Variants in EXOC2 observed in about 807,000 individuals in gnomAD.
EXOC2 encodes the protein exocyst complex component 2.
EXOC2 carries 70 observed loss-of-function variants against 131.8 expected under a neutral mutation model. The ratio of observed to expected loss-of-function variants is 0.53; its 90% CI spans 0.44 to 0.65. The LOEUF is 0.65. Among genes scored for constraint, EXOC2 ranks in the 30% least tolerant of loss-of-function variants. The pLI is 0.00. For missense variants in EXOC2, 923 were observed against 1,108.6 expected (o/e 0.83, Z 2.38); for synonymous variants, 411 against 398.4 (o/e 1.03, Z -0.38).
rs114930078 is a variant in EXOC2 at position 641,793 on chromosome 6, G to A, written c.-43-3932C>T. On this transcript the variant is annotated intron_variant, in intron 1 of 27. Transcript: ENST00000230449. ...TGTTGCTCTCCCACTTAAGACCTTC[G>A]TCTTCTCCCCTCAATGCTGCAACAG... Among the ~76,000 whole-genome samples the A allele has an allele frequency of 2.4e-4, 37 of 151,978 alleles. No homozygotes were observed. The Middle Eastern group carries it at 0.01, about 42-fold the overall frequency.
intron 1 of EXOC2, among the ~76,000 whole-genome samples, chr6:678,343 T>G (rs1005771338): frequency 1.3e-5 from 2 of 152,240 alleles, no homozygotes; most frequent in African/African-American, 4.8e-5. Flanking sequence ...GTCACAGGAA[T>G]CCTGTAAGGA....
At chr6:629,760 G>C in intron 4 of EXOC2, 75 bp downstream of exon 4, 2 of 1,548,240 alleles carry the variant, frequency 1.3e-6, no homozygotes, top group South Asian at 2.5e-5. Flanking sequence ...TGGAGTTTGA[G>C]TCCCTTTCCT....
In EXOC2 at chr6:603,474, A is replaced by C. The variant is rs552696398; in HGVS notation, c.743-4249T>G. 1.5e-3 allele frequency among the ~76,000 whole-genome samples: 227 copies of C among 152,306 alleles called. 1 individual carries two copies. Among genetic ancestry groups the C allele is most frequent in the African/African-American group, 5.3e-3 (220 of 41,568 alleles). ...AACTGAGGAAAGAGCTGACGTCAGC[A>C]CGTACCCCTCTCAAGAGCAACTGTC... On this transcript the variant is annotated intron_variant, in intron 7 of 27. Transcript: ENST00000230449.
chr6:635,133 A>G (rs1316089183), intron 2 of EXOC2, among the ~76,000 whole-genome samples: 1 of 152,232 alleles, frequency 6.6e-6, no homozygotes, highest in Non-Finnish European at 1.5e-5. Flanking sequence ...CAACCCAACA[A>G]TTAACGTCAG....
At chr6:684,393 C>A (rs1167367489) in intron 1 of EXOC2, among the ~76,000 whole-genome samples, 2 of 152,138 alleles carry the variant, frequency 1.3e-5, no homozygotes, top group African/African-American at 4.8e-5. Flanking sequence ...AACAAAGCAT[C>A]CATTTAACAT....
In EXOC2 at chr6:564,140, G is replaced by A. The variant is rs1042405017; in HGVS notation, c.1682C>T (p.Ser561Leu). 6 of 1,613,756 alleles carry A rather than the reference G, an allele frequency of 3.7e-6. No homozygotes were observed. In the African/African-American group the frequency reaches 6.7e-5, roughly 18 times the overall value. ...ATTAGGAATTTCAAGGGCAGTCAAC[G>A]ATTCATGAGTAAGTCTGCGAACAAA... ...AIQTVRLTHE[S>L]LTALEIPNDL... The change falls in exon 16 of 28, where the codon TCG becomes TTG. Residue 561 changes from serine (S) to leucine (L), a missense_variant. Ser to Leu is a moderately radical substitution (Grantham distance 145). Transcript: ENST00000230449.
chr6:597,889 TCTG>T lies in EXOC2; in HGVS notation c.1073+129_1073+131del, dbSNP rs562299944. The stretch of plus-strand genomic sequence containing the variant: ...GTCCTACGCCAGATAACCCTAAATT[TCTG>T]CTATTTGTCTTCCCCTTCACCATTT... On this transcript the variant is annotated intron_variant, in intron 10 of 27. Transcript: ENST00000230449. The T allele has an allele frequency of 1.3e-3, 809 of 617,444 alleles. 5 individuals are homozygous for T. The Middle Eastern group carries it at 0.031, about 24-fold the overall frequency. 38.2% of individuals were successfully genotyped at this position (617,444 alleles called of 1,614,324 possible).
intron 4 of EXOC2, among the ~76,000 whole-genome samples, chr6:627,204 A>C (rs1366433667): frequency 2.0e-5 from 3 of 150,912 alleles, no homozygotes; most frequent in Non-Finnish European, 4.4e-5. Flanking sequence ...CAGAGGTCAA[A>C]GAATTCAGTA....
At chr6:599,405 A>C (rs551477438) in intron 7 of EXOC2, among the ~76,000 whole-genome samples, 180 bp from the exon 8 acceptor site, 3 of 152,192 alleles carry the variant, frequency 2.0e-5, no homozygotes, top group African/African-American at 4.8e-5. Flanking sequence ...ATTTTGCCTA[A>C]GTCTTTTCAT....
At chr6:640,106 G>C (rs1762287304) in intron 1 of EXOC2, among the ~76,000 whole-genome samples, 1 of 152,176 alleles carries the variant, frequency 6.6e-6, no homozygotes, top group African/African-American at 2.4e-5. Context: ...TGTAGTGTTT[G>C]ATTTTCAGTC....
In EXOC2 at chr6:683,530, G is replaced by C. The variant is rs1483342283; in HGVS notation, c.-44+9489C>G. On this transcript the variant is annotated intron_variant, in intron 1 of 27. Coordinates refer to ENST00000230449, the MANE Select transcript of EXOC2 (RefSeq NM_018303.6). ...ACAAATATAATAACTATGGTAAACA[G>C]GCATGCCAAAATCAATGCAGAGTTT... Among the ~76,000 whole-genome samples the C allele has an allele frequency of 2.6e-5, 4 of 151,900 alleles. No individual in the cohort carries two copies. The East Asian group carries it at 7.7e-4, about 29-fold the overall frequency.
chr6:551,998 G>A (rs984500640), intron 21 of EXOC2, among the ~76,000 whole-genome samples: 5 of 152,136 alleles, frequency 3.3e-5, no homozygotes, highest in South Asian at 2.1e-4. Context: ...TTCTCTCCGC[G>A]CCCTGTTGGA....
At position 509,641 on chromosome 6, in the gene EXOC2, T is replaced by A. The variant is rs550696758; in HGVS notation, c.2381-9941A>T. On this transcript the variant is annotated intron_variant, in intron 23 of 27. Transcript: ENST00000230449. ...ATTTACTCTGACTGTATAAAAAGTGTCTGAAAAGTGCTGGAGAGGAAGAAC... is the reference window on the plus strand; with the variant it reads ...ATTTACTCTGACTGTATAAAAAGTGACTGAAAAGTGCTGGAGAGGAAGAAC... 3.3e-5 allele frequency among the ~76,000 whole-genome samples: 5 copies of A among 152,330 alleles called. No individual in the cohort carries two copies. In the South Asian group the frequency reaches 8.3e-4, roughly 25 times the overall value.
rs1334219670 is a variant in EXOC2, at chr6:578,338, CG to C, written c.1193-1457del. Among the ~76,000 whole-genome samples the C allele has an allele frequency of 2.6e-5, 4 of 152,124 alleles. No homozygotes were observed. In the East Asian group the frequency reaches 7.7e-4, roughly 29 times the overall value. ...TCCCGCATGTGAGGAATTGCAGGCC[CG>C]GGGGATAAAGTGATGAATAATATCT... On this transcript the variant is annotated intron_variant, in intron 11 of 27. Coordinates refer to ENST00000230449, the MANE Select transcript of EXOC2 (RefSeq NM_018303.6).
intron 1 of EXOC2, among the ~76,000 whole-genome samples, chr6:690,439 A>C (rs1764867543): frequency 6.6e-6 from 1 of 152,160 alleles, no homozygotes; most frequent in Non-Finnish European, 1.5e-5. Flanking sequence ...GGCCCGGCGC[A>C]GGGGTTCACG....
intron 11 of EXOC2, among the ~76,000 whole-genome samples, chr6:588,176 C>T: frequency 6.6e-6 from 1 of 152,148 alleles, no homozygotes; most frequent in East Asian, 1.9e-4. Flanking sequence ...CAGTTAAAAG[C>T]CTCTCATGTG....
chr6:571,166 A>G (rs1758256581), intron 13 of EXOC2, among the ~76,000 whole-genome samples: 1 of 152,370 alleles, frequency 6.6e-6, no homozygotes, highest in Non-Finnish European at 1.5e-5. Flanking sequence ...CTGTATAGTC[A>G]ACTTTTCAAT....
intron 7 of EXOC2, among the ~76,000 whole-genome samples, chr6:609,787 T>A (rs995885411): frequency 2.0e-5 from 3 of 152,218 alleles, no homozygotes; most frequent in Admixed American, 6.5e-5. Flanking sequence ...TCCTGGCTAC[T>A]GCTTCAGTGC....
rs539466153 is a variant in EXOC2, at chr6:617,933, T to C, written c.537-98A>G. 9.9e-5 allele frequency: 136 copies of C among 1,372,614 alleles called. No homozygotes were observed. In the East Asian group the frequency reaches 3.3e-3, roughly 33 times the overall value. 85.0% of individuals were successfully genotyped at this position (1,372,614 alleles called of 1,614,324 possible). On this transcript the variant is annotated intron_variant, in intron 5 of 27. Coordinates refer to ENST00000230449, the MANE Select transcript of EXOC2 (RefSeq NM_018303.6). The stretch of plus-strand genomic sequence containing the variant: ...AGAACACTAAATATGCTAAAACCGA[T>C]GCTAAGTAGCACACAGATTAATATC...
Sources: allele counts gnomAD v4.1 joint callset (sites outside exome capture counted in the v4.1 genomes callset), GRCh38; gene constraint gnomAD v4.1.1; transcripts MANE v1.5; gene names NCBI Gene and HGNC (gene_info 2026-07-23, HGNC 2026-07-21).